AGAP1: variants seen among roughly 807,000 people sequenced by gnomAD.
AGAP1 encodes the protein ArfGAP with GTPase domain, ankyrin repeat and PH domain 1.
A neutral mutation model predicts 105.3 loss-of-function variants in AGAP1; 29 were observed. The ratio of observed to expected loss-of-function variants is 0.28; its 90% CI spans 0.21 to 0.38. The LOEUF (loss-of-function observed/expected upper bound fraction) is 0.38. Among genes scored for constraint, AGAP1 ranks in the 10% least tolerant of loss-of-function variants. AGAP1 has a pLI of 1.00. For synonymous variants in AGAP1, 509 were observed against 485.9 expected (o/e 1.05, Z -0.63); for missense variants, 998 against 1,165.1 (o/e 0.86, Z 2.09).
In AGAP1 at chr2:235,747,049, A is replaced by T. The variant is rs577823367; in HGVS notation, c.538+2210A>T. Among the ~76,000 whole-genome samples, 1 of 152,106 alleles carries T rather than the reference A, an allele frequency of 6.6e-6. No individual in the cohort carries two copies. Among genetic ancestry groups the T allele is most frequent in the Non-Finnish European group, 1.5e-5 (1 of 68,002 alleles). On this transcript the variant is annotated intron_variant, in intron 5 of 17. Transcript: ENST00000304032. This position sits in a 1 kb window ranked among gnomAD's most constrained non-coding sequence, Gnocchi z 5.0. ...GGTTCAACAGGAATTCCCAGAAGACACTCAGTGCATCCGTGGGTATGTGAT... is the reference window on the plus strand; with the variant it reads ...GGTTCAACAGGAATTCCCAGAAGACTCTCAGTGCATCCGTGGGTATGTGAT...
chr2:235,861,762 G>A (rs934728984), intron 9 of AGAP1, among the ~76,000 whole-genome samples: 1 of 152,146 alleles, frequency 6.6e-6, no homozygotes, highest in Non-Finnish European at 1.5e-5. Context: ...GCTTATCAGG[G>A]GATTGATTCT....
At chr2:235,617,343 A>G (rs751254560) in intron 1 of AGAP1, among the ~76,000 whole-genome samples, 1 of 152,350 alleles carries the variant, frequency 6.6e-6, no homozygotes, top group Non-Finnish European at 1.5e-5. Context: ...AAATTAGAAT[A>G]GTGGTTGAAA....
Position 235,957,450 on chromosome 2 carries a change from G to A in AGAP1, c.1484-11012G>A, listed in dbSNP as rs1478784452. ...CTGTCATCTTCCTGGGCCCCCTGCC[G>A]TGTCCCCGCTGCCCCTCTGACATTG... is the stretch of plus-strand genomic sequence containing the variant. On this transcript the variant is annotated intron_variant, in intron 12 of 17. Coordinates refer to ENST00000304032, the MANE Select transcript of AGAP1 (RefSeq NM_001037131.3). This position sits in a 1 kb window ranked among gnomAD's most constrained non-coding sequence, Gnocchi z 4.6. Among the ~76,000 whole-genome samples the A allele has an allele frequency of 3.9e-5, 6 of 152,072 alleles. No homozygotes were observed. The highest frequency in any genetic ancestry group is 1.2e-4 in the African/African-American group (5 of 41,382).
chr2:235,940,983 G>T (rs116110149), intron 12 of AGAP1, among the ~76,000 whole-genome samples: 1 of 152,152 alleles, frequency 6.6e-6, no homozygotes, highest in Non-Finnish European at 1.5e-5. Context: ...GGTGTATTTC[G>T]TTCGATTTGC....
intron 1 of AGAP1, among the ~76,000 whole-genome samples, chr2:235,584,209 T>TTG (rs1945027093): frequency 6.6e-6 from 1 of 150,902 alleles, no homozygotes; most frequent in African/African-American, 2.4e-5. Context: ...TTTTTTTTTT[T>TTG]GCATGGAAAT....
In AGAP1 at chr2:236,056,825, C is replaced by T. The variant is rs368650882; in HGVS notation, c.2114+7544C>T. On this transcript the variant is annotated intron_variant, in intron 16 of 17. Coordinates refer to ENST00000304032, the MANE Select transcript of AGAP1 (RefSeq NM_001037131.3). The surrounding 1 kb of genome is among the most constrained non-coding windows in gnomAD (Gnocchi z 4.6). ...ATGGGAGCGCAGGTCAGACTGCAGG[C>T]ACCAAGATCTGACTCCAGATGCCGC... is the stretch of plus-strand genomic sequence containing the variant. Among the ~76,000 whole-genome samples the T allele has an allele frequency of 2.6e-5, 4 of 152,296 alleles. No individual in the cohort carries two copies. The South Asian group carries it at 8.3e-4, about 32-fold the overall frequency.
chr2:235,752,138 A>G lies in AGAP1; in HGVS notation c.673+1650A>G, dbSNP rs920817265. Among the ~76,000 whole-genome samples, 2 of 152,326 alleles carry G rather than the reference A, an allele frequency of 1.3e-5. No homozygotes were observed. The highest frequency in any genetic ancestry group is 2.1e-4 in the South Asian group (1 of 4,828). ...AAAGCGTCGTAGATGAAGGGTCCCC[A>G]GGCCCGTGCATGAGGCCAGCTGCCT... On this transcript the variant is annotated intron_variant, in intron 6 of 17. Coordinates refer to ENST00000304032, the MANE Select transcript of AGAP1 (RefSeq NM_001037131.3). The surrounding 1 kb of genome is among the most constrained non-coding windows in gnomAD (Gnocchi z 4.3).
At chr2:236,117,152 T>G (rs1189794777) in intron 16 of AGAP1, among the ~76,000 whole-genome samples, 1 of 152,178 alleles carries the variant, frequency 6.6e-6, no homozygotes, top group Non-Finnish European at 1.5e-5. Flanking sequence ...CAGTTCTACT[T>G]TCAGTTCTTT....
At chr2:235,588,919 G>T (rs1227161573) in intron 1 of AGAP1, among the ~76,000 whole-genome samples, 1 of 152,154 alleles carries the variant, frequency 6.6e-6, no homozygotes, top group African/African-American at 2.4e-5. Flanking sequence ...GCTTATTTGA[G>T]AATTTTGCCT....
chr2:235,517,690 A>C lies in AGAP1; in HGVS notation c.163+22841A>C, dbSNP rs1942445407. Among the ~76,000 whole-genome samples, 1 of 152,166 alleles carries C rather than the reference A, an allele frequency of 6.6e-6. No individual in the cohort carries two copies. Among genetic ancestry groups the C allele is most frequent in the Non-Finnish European group, 1.5e-5 (1 of 68,028 alleles). On this transcript the variant is annotated intron_variant, in intron 1 of 17. Coordinates refer to ENST00000304032, the MANE Select transcript of AGAP1 (RefSeq NM_001037131.3). This position sits in a 1 kb window ranked among gnomAD's most constrained non-coding sequence, Gnocchi z 4.1. ...AGTGGCTCACACCTGTAATCCCAGCACTCTGGGAGGCCGAGGCAGACAGAT... is the reference window on the plus strand; with the variant it reads ...AGTGGCTCACACCTGTAATCCCAGCCCTCTGGGAGGCCGAGGCAGACAGAT...
At chr2:235,909,133 C>T (rs533498940) in intron 11 of AGAP1, among the ~76,000 whole-genome samples, 79 of 152,328 alleles carry the variant, frequency 5.2e-4, no homozygotes, top group Middle Eastern at 3.4e-3. Context: ...AAAAACCATG[C>T]ATCTAGGCCT....
intron 10 of AGAP1, among the ~76,000 whole-genome samples, chr2:235,903,810 A>G (rs2051172887): frequency 1.3e-5 from 2 of 152,114 alleles, no homozygotes; most frequent in African/African-American, 4.8e-5. Context: ...GCTGGAGCCA[A>G]GTGTTACTCA....
At position 236,129,518 on chromosome 2, in the gene AGAP1, G is replaced by T. The variant is rs1185992685; in HGVS notation, c.*5396G>T. 1 of 152,234 alleles carries T rather than the reference G, an allele frequency of 6.6e-6. No homozygotes were observed. The highest frequency in any genetic ancestry group is 1.5e-5 in the Non-Finnish European group (1 of 68,068). 9.4% of individuals were successfully genotyped at this position (152,234 alleles called of 1,614,324 possible). ...GAACTGGATCGCTGGCCCCTGGGATGCTGCGCTGTCTGTGATTAGAGAGAA... is the reference window on the plus strand; with the variant it reads ...GAACTGGATCGCTGGCCCCTGGGATTCTGCGCTGTCTGTGATTAGAGAGAA... On this transcript the variant is annotated 3_prime_UTR_variant, in exon 18 of 18. Coordinates refer to ENST00000304032, the MANE Select transcript of AGAP1 (RefSeq NM_001037131.3). This position sits in a 1 kb window ranked among gnomAD's most constrained non-coding sequence, Gnocchi z 6.2.
chr2:235,962,910 C>A lies in AGAP1; in HGVS notation c.1484-5552C>A, dbSNP rs2054250347. 6.6e-6 allele frequency among the ~76,000 whole-genome samples: 1 copy of A among 152,136 alleles called. No homozygotes were observed. Among genetic ancestry groups the A allele is most frequent in the African/African-American group, 2.4e-5 (1 of 41,436 alleles). ...ACCTCCACTCCACCCAGTTTGATAC[C>A]CAGAAACGTCTCCAGCCATTGCCAG... On this transcript the variant is annotated intron_variant, in intron 12 of 17. Transcript: ENST00000304032. This position sits in a 1 kb window ranked among gnomAD's most constrained non-coding sequence, Gnocchi z 5.3.
At chr2:236,033,320 G>A (rs150881674) in intron 13 of AGAP1, among the ~76,000 whole-genome samples, 45 of 152,264 alleles carry the variant, frequency 3.0e-4, no homozygotes, top group African/African-American at 1.1e-3. Flanking sequence ...AAATTAGCTC[G>A]AAATGGGTTC....
At chr2:235,923,182 G>A (rs1177732576) in intron 11 of AGAP1, among the ~76,000 whole-genome samples, 5 of 152,132 alleles carry the variant, frequency 3.3e-5, no homozygotes, top group African/African-American at 1.2e-4. Context: ...ATATTTGGGG[G>A]ACGATGCCGA....
intron 9 of AGAP1, among the ~76,000 whole-genome samples, chr2:235,859,308 C>A (rs2048815480): frequency 6.6e-6 from 1 of 151,388 alleles, no homozygotes; most frequent in Non-Finnish European, 1.5e-5. Flanking sequence ...GGCCAGAGAA[C>A]CATTCACTGT....
chr2:235,656,722 A>G (rs780149807), intron 1 of AGAP1, among the ~76,000 whole-genome samples: 2 of 152,180 alleles, frequency 1.3e-5, no homozygotes, highest in African/African-American at 4.8e-5. Context: ...TGCGCTCACC[A>G]TTGCTCCATC....
intron 3 of AGAP1, among the ~76,000 whole-genome samples, chr2:235,726,562 C>CT (rs1225874985): frequency 6.6e-6 from 1 of 152,230 alleles, no homozygotes; most frequent in East Asian, 1.9e-4. Flanking sequence ...CCATCACACA[C>CT]TTTCACCTGT....
Sources: allele counts gnomAD v4.1 joint callset (sites outside exome capture counted in the v4.1 genomes callset), GRCh38; gene constraint gnomAD v4.1.1; non-coding constraint Gnocchi (gnomAD v3.1); transcripts MANE v1.5; gene names NCBI Gene and HGNC (gene_info 2026-07-23, HGNC 2026-07-21).